The following PUS10 variants were observed in gnomAD, a reference collection of about 807,000 sequenced individuals.
PUS10 encodes pseudouridine synthase 10.
PUS10 carries 59 observed loss-of-function variants against 75.0 expected under a neutral mutation model. That is an observed-to-expected ratio of 0.79 (90% confidence interval 0.64 to 0.98). PUS10 has a LOEUF of 0.98. Ranked by LOEUF, PUS10 falls within the 50% of genes least tolerant of loss-of-function variation. PUS10 has a pLI of 0.00. For missense variants in PUS10, 650 were observed against 614.4 expected, an observed-to-expected ratio of 1.06 and a Z score of -0.61; for synonymous variants, 219 against 211.6, an observed-to-expected ratio of 1.03 and a Z score of -0.30.
At chr2:60,945,165 G>A in intron 16 of PUS10, 57 bp from the exon 17 acceptor site, 1 of 1,044,120 alleles carries the variant, frequency 9.6e-7, no homozygotes, top group Non-Finnish European at 1.5e-6. Flanking sequence ...TATTTGGTAA[G>A]ATTTGACAGG....
intron 4 of PUS10, among the ~76,000 whole-genome samples, chr2:60,995,865 C>T (rs1241411940): frequency 2.0e-5 from 3 of 152,184 alleles, no homozygotes; most frequent in Non-Finnish European, 4.4e-5. Context: ...GTTCTGAATG[C>T]ACCTGATCTC....
At chr2:61,012,852 AAAAAAAAAAAAAAAAATAT>A (rs1322913644) in intron 1 of PUS10, among the ~76,000 whole-genome samples, 13 of 105,978 alleles carry the variant, frequency 1.2e-4, no homozygotes, top group African/African-American at 4.4e-4. Context: ...AAAAAAAAAA[AAAAAAAAAAAAAAAAATAT>A]ATATATATAT....
intron 17 of PUS10, among the ~76,000 whole-genome samples, chr2:60,944,042 C>T (rs1028416891): frequency 2.0e-5 from 3 of 151,668 alleles, no homozygotes; most frequent in Admixed American, 6.6e-5. Context: ...GGCAGGGGAT[C>T]GCTTGAGCCC....
At chr2:60,977,281 A>G (rs1171142362) in intron 4 of PUS10, among the ~76,000 whole-genome samples, 1 of 152,200 alleles carries the variant, frequency 6.6e-6, no homozygotes, top group African/African-American at 2.4e-5. Context: ...GGTGTTAAAA[A>G]TGGTGTGTTG....
chr2:60,994,224 T>C (rs1678304152), intron 4 of PUS10, among the ~76,000 whole-genome samples: 1 of 151,894 alleles, frequency 6.6e-6, no homozygotes, highest in Non-Finnish European at 1.5e-5. Context: ...GTGTCTGACT[T>C]CAAGGTAGCA....
chr2:60,951,726 C>G (rs2104214978), intron 15 of PUS10, among the ~76,000 whole-genome samples: 2 of 152,332 alleles, frequency 1.3e-5, no homozygotes, highest in Middle Eastern at 6.8e-3. Context: ...AGATTCCTAA[C>G]AGGTCACCAG....
At chr2:61,017,723 CA>C in intron 1 of PUS10, 1 of 1,523,842 alleles carries the variant, frequency 6.6e-7, no homozygotes, top group Non-Finnish European at 8.9e-7. Context: ...CCTGGACAGT[CA>C]GGGGTAGGAG....
At chr2:60,958,936 T>C (rs1675843788) in intron 11 of PUS10, among the ~76,000 whole-genome samples, 1 of 152,048 alleles carries the variant, frequency 6.6e-6, no homozygotes, top group African/African-American at 2.4e-5. Flanking sequence ...CAAAGAGTAA[T>C]ATCATCCATG....
chr2:61,008,742 T>C lies in PUS10; in HGVS notation c.381+19A>G. 1 of 1,526,444 alleles carries C rather than the reference T, an allele frequency of 6.6e-7. No homozygotes were observed. Among genetic ancestry groups the C allele is most frequent in the Non-Finnish European group, 8.9e-7 (1 of 1,126,130 alleles). The allele number at this position is 1,526,444 out of a possible 1,614,324, so 94.6% of individuals were successfully genotyped here. On this transcript the variant is annotated intron_variant, in intron 3 of 17. Coordinates refer to ENST00000316752, the MANE Select transcript of PUS10 (RefSeq NM_144709.4). Reference sequence around the variant, plus strand: ...AATCTCTACATAATTGCACCTATAATGAAAAACAGGTTATTTACCTTTTTA... The same window carrying C: ...AATCTCTACATAATTGCACCTATAACGAAAAACAGGTTATTTACCTTTTTA...
In PUS10 at chr2:60,960,393, C is replaced by G. The variant is rs768357671; in HGVS notation, c.999G>C (p.Glu333Asp). Residue 333 changes from glutamate to aspartate, a missense_variant and splice_region_variant, in exon 11 of 18, where the codon GAG (glutamate) becomes GAC (aspartate). By Grantham distance (45) the Glu-to-Asp change is conservative. Coordinates refer to ENST00000316752, the MANE Select transcript of PUS10 (RefSeq NM_144709.4). Reference protein sequence around the residue: ...SDHLLAVFKAESFNFSSSGRE... With the variant: ...SDHLLAVFKADSFNFSSSGRE... Reference sequence around the variant, plus strand: ...AAGTATGAAGATCGTAACACTTACTCTCTGCTTTAAATACTGCCAACAGAT... The same window carrying G: ...AAGTATGAAGATCGTAACACTTACTGTCTGCTTTAAATACTGCCAACAGAT... 8 of 1,521,200 alleles carry G rather than the reference C, an allele frequency of 5.3e-6. No homozygotes were observed. The highest frequency in any genetic ancestry group is 7.0e-6 in the Non-Finnish European group (8 of 1,142,316). 94.2% of individuals were successfully genotyped at this position (1,521,200 alleles called of 1,614,324 possible).
chr2:60,962,065 T>G (rs1676057788), intron 9 of PUS10, among the ~76,000 whole-genome samples: 1 of 152,228 alleles, frequency 6.6e-6, no homozygotes, highest in South Asian at 2.1e-4. Flanking sequence ...ATTTATTTTA[T>G]TTTAGCATAT....
chr2:60,994,198 G>A (rs72809421), intron 4 of PUS10, among the ~76,000 whole-genome samples: 1,744 of 151,778 alleles, frequency 0.011, 37 homozygotes, highest in Non-Finnish European at 0.011. Context: ...AGAGGTTTCT[G>A]ACAATGAGTT....
chr2:60,976,114 T>C (rs1677021093), intron 4 of PUS10, among the ~76,000 whole-genome samples: 2 of 152,184 alleles, frequency 1.3e-5, no homozygotes, highest in Non-Finnish European at 2.9e-5. Context: ...TATACAAAAA[T>C]ATTAATACTT....
intron 4 of PUS10, among the ~76,000 whole-genome samples, chr2:61,001,827 A>G (rs528791907): frequency 6.6e-6 from 1 of 152,024 alleles, no homozygotes; most frequent in South Asian, 2.1e-4. Flanking sequence ...TTATTCATTG[A>G]GATAGTTTGG....
At chr2:60,954,214 G>A in intron 12 of PUS10, 56 bp from the exon 13 acceptor site, 3 of 1,564,800 alleles carry the variant, frequency 1.9e-6, no homozygotes, top group African/African-American at 1.4e-5. Context: ...TTAACATTTG[G>A]GCTAATGCAA....
At chr2:61,003,229 A>T (rs1678966729) in intron 4 of PUS10, among the ~76,000 whole-genome samples, 1 of 152,192 alleles carries the variant, frequency 6.6e-6, no homozygotes. Flanking sequence ...TGGGAGGCCG[A>T]GGCGGGCAGA....
At chr2:60,999,155 C>T (rs1014211423) in intron 4 of PUS10, among the ~76,000 whole-genome samples, 7 of 152,184 alleles carry the variant, frequency 4.6e-5, no homozygotes, top group African/African-American at 1.7e-4. Context: ...TAAAGATGAA[C>T]CTAAAAACTA....
chr2:60,966,178 C>G (rs896029009), intron 6 of PUS10: 2 of 151,728 alleles, frequency 1.3e-5, no homozygotes, highest in African/African-American at 4.8e-5. Context: ...ACTCTAGGGA[C>G]TGTCAGACAT....
chr2:60,991,646 G>C (rs1678084849), intron 4 of PUS10, among the ~76,000 whole-genome samples: 1 of 152,016 alleles, frequency 6.6e-6, no homozygotes, highest in African/African-American at 2.4e-5. Flanking sequence ...TGTAGAAATG[G>C]GAGTACCAAT....
Sources: allele counts gnomAD v4.1 joint callset (sites outside exome capture counted in the v4.1 genomes callset), GRCh38; gene constraint gnomAD v4.1.1; transcripts MANE v1.5; gene names NCBI Gene and HGNC (gene_info 2026-07-23, HGNC 2026-07-21).